Variants in ZNF550 observed in about 807,000 individuals in gnomAD.
ZNF550 encodes zinc finger protein 550.
A neutral mutation model predicts 40.2 loss-of-function variants in ZNF550; 42 were observed. The observed-to-expected ratio is 1.05, with a 90% CI of 0.82 to 1.35. ZNF550 has a LOEUF of 1.35. ZNF550 is among the 40% of genes most tolerant of loss of function. ZNF550 has a pLI of 0.00. For synonymous variants in ZNF550, 223 were observed against 198.6 expected, an observed-to-expected ratio of 1.12 and a Z score of -1.03; for missense variants, 549 against 525.2, an observed-to-expected ratio of 1.05 and a Z score of -0.44.
At chr19:57,548,512 A>G (rs1599891811) in intron 3 of ZNF550, among the ~76,000 whole-genome samples, 1 of 152,216 alleles carries the variant, frequency 6.6e-6, no homozygotes, top group African/African-American at 2.4e-5. Flanking sequence ...AATGCAAATC[A>G]AAACTACAAT....
exon 4 of ZNF550, chr19:57,547,336 A>G (rs746560146): frequency 1.2e-6 from 2 of 1,613,558 alleles, no homozygotes; most frequent in South Asian, 2.2e-5. Flanking sequence ...ATTATGGCGA[A>G]TAAAAGTAGA....
intron 4 of ZNF550, chr19:57,546,342 G>T: frequency 7.4e-6 from 2 of 270,752 alleles, no homozygotes; most frequent in Non-Finnish European, 1.1e-5. Context: ...GGCAGTGAAT[G>T]TATGTTAAAA....
At chr19:57,559,088 C>A (rs993225352) in intron 1 of ZNF550, among the ~76,000 whole-genome samples, 3 of 152,110 alleles carry the variant, frequency 2.0e-5, no homozygotes, top group Non-Finnish European at 2.9e-5. Context: ...GTTGTAGAGA[C>A]AGGAGGCCAA....
chr19:57,547,635 G>A, exon 4 of ZNF550: 1 of 1,614,140 alleles, frequency 6.2e-7, no homozygotes, highest in Non-Finnish European at 8.5e-7. Context: ...GCTTGCATTT[G>A]TAGGGGTTTG....
exon 1 of ZNF550, chr19:57,559,679 C>T (rs1236098268): frequency 2.0e-6 from 3 of 1,504,696 alleles, no homozygotes; most frequent in Non-Finnish European, 2.7e-6. Context: ...TTCGTCTCCG[C>T]CATCCGACCG....
exon 4 of ZNF550, chr19:57,546,910 A>G: frequency 1.3e-6 from 2 of 1,532,840 alleles, no homozygotes; most frequent in Non-Finnish European, 1.8e-6. Context: ...TGTGGGTCCC[A>G]TTATGAATGA....
At chr19:57,545,954 A>G (rs1383124092) in intron 4 of ZNF550, among the ~76,000 whole-genome samples, 2 of 152,208 alleles carry the variant, frequency 1.3e-5, no homozygotes, top group Non-Finnish European at 2.9e-5. Flanking sequence ...TCGAGGTTAC[A>G]GGGAACTATG....
At chr19:57,556,618 G>A (rs942631559) in intron 1 of ZNF550, 6 of 378,050 alleles carry the variant, frequency 1.6e-5, no homozygotes, top group Non-Finnish European at 2.9e-5. Context: ...ACTATGGGAA[G>A]CAGAGAGTAA....
intron 2 of ZNF550, chr19:57,552,998 G>C (rs1460474137): frequency 1.4e-5 from 5 of 353,552 alleles, no homozygotes; most frequent in African/African-American, 2.1e-5. Context: ...CACAAGGGTG[G>C]AGCCTTAATC....
upstream of ZNF550, among the ~76,000 whole-genome samples, chr19:57,561,090 T>C (rs942142228): frequency 1.3e-5 from 2 of 152,254 alleles, no homozygotes; most frequent in Non-Finnish European, 2.9e-5. The surrounding 1 kb of genome is among the most constrained non-coding windows in gnomAD (Gnocchi z 4.9). Context: ...ACTGGGATTT[T>C]GGCCATTCTT....
chr19:57,556,431 T>C (rs375328661), intron 1 of ZNF550, 74 bp from the exon 2 acceptor site: 1 of 1,541,992 alleles, frequency 6.5e-7, no homozygotes, highest in African/African-American at 1.4e-5. Context: ...ACTCAGTCTC[T>C]AGTCAATGTG....
At chr19:57,547,000 A>C (rs775278357) in exon 4 of ZNF550, 4 of 1,612,702 alleles carry the variant, frequency 2.5e-6, no homozygotes, top group Non-Finnish European at 3.4e-6. Flanking sequence ...TTGGTGCTGC[A>C]GAAGGTGTGA....
intron 1 of ZNF550, 40 bp downstream of exon 1, chr19:57,559,614 CTG>C: frequency 6.8e-7 from 1 of 1,463,762 alleles, no homozygotes; most frequent in Non-Finnish European, 9.1e-7. Flanking sequence ...GCCCGGGACA[CTG>C]AGGCCGGGTG....
intron 1 of ZNF550, chr19:57,557,137 C>T (rs1390467781): frequency 6.6e-6 from 1 of 151,920 alleles, no homozygotes; most frequent in East Asian, 1.9e-4. Flanking sequence ...CATAAAGGGT[C>T]TGTGCTGACG....
intron 2 of ZNF550, 79 bp downstream of exon 2, chr19:57,556,152 T>G: frequency 3.2e-6 from 5 of 1,584,848 alleles, no homozygotes; most frequent in African/African-American, 1.3e-5. Flanking sequence ...AAGAGAAAGG[T>G]GGGCAGTTCC....
chr19:57,544,418 A>G (rs375159725), intron 4 of ZNF550: 4 of 985,332 alleles, frequency 4.1e-6, no homozygotes, highest in East Asian at 2.3e-4. Flanking sequence ...ATGACAGCCA[A>G]TATGTTTCTA....
chr19:57,549,414 T>C (rs12611306), intron 3 of ZNF550, among the ~76,000 whole-genome samples: 152,163 of 152,164 alleles, frequency 1, 76,081 homozygotes, highest in Non-Finnish European at 1. Flanking sequence ...CATTGCACTC[T>C]AGCCTGGGCA....
chr19:57,544,601 G>C, intron 4 of ZNF550: 2 of 985,206 alleles, frequency 2.0e-6, no homozygotes, highest in Non-Finnish European at 2.4e-6. Flanking sequence ...AACAAAAACA[G>C]AGAACTCTTA....
At chr19:57,551,337 G>C (rs1404888157) in intron 3 of ZNF550, among the ~76,000 whole-genome samples, 1 of 152,170 alleles carries the variant, frequency 6.6e-6, no homozygotes, top group Non-Finnish European at 1.5e-5. Context: ...GCAGGGACAA[G>C]AGCTGCCCAG....
Sources: allele counts gnomAD v4.1 joint callset (sites outside exome capture counted in the v4.1 genomes callset), GRCh38; gene constraint gnomAD v4.1.1; non-coding constraint Gnocchi (gnomAD v3.1); transcripts MANE v1.5; gene names NCBI Gene and HGNC (gene_info 2026-07-23, HGNC 2026-07-21).